KANK1: variants seen among roughly 807,000 people sequenced by gnomAD.
The protein encoded by KANK1 is KN motif and ankyrin repeat domain-containing protein 1.
Under a neutral mutation model 106.2 loss-of-function variants are expected in KANK1, and 109 were observed. The ratio of observed to expected loss-of-function variants is 1.03; its 90% CI spans 0.88 to 1.20. The LOEUF (loss-of-function observed/expected upper bound fraction) is 1.20. Ranked by LOEUF, KANK1 falls within the 50% of genes most tolerant of loss-of-function variation. KANK1 has a pLI of 0.00. For missense variants in KANK1, 2,399 were observed against 1,710.7 expected, an observed-to-expected ratio of 1.40 and a Z score of -7.10; for synonymous variants, 873 against 652.2, an observed-to-expected ratio of 1.34 and a Z score of -5.16.
intron 1 of KANK1, among the ~76,000 whole-genome samples, chr9:570,919 T>C (rs1198083630): frequency 6.6e-6 from 1 of 152,250 alleles, no homozygotes; most frequent in South Asian, 2.1e-4. Flanking sequence ...ATATTTGTGC[T>C]GAAATCTGTG....
intron 1 of KANK1, among the ~76,000 whole-genome samples, chr9:534,680 A>G (rs913074393): frequency 2.0e-5 from 3 of 152,228 alleles, no homozygotes; most frequent in Non-Finnish European, 4.4e-5. Flanking sequence ...ACTGTGATTT[A>G]TAGTCAAGGG....
chr9:527,417 T>A (rs531302764), intron 1 of KANK1, among the ~76,000 whole-genome samples: 3 of 59,676 alleles, frequency 5.0e-5, no homozygotes, highest in Admixed American at 1.7e-4. Flanking sequence ...TTCTCCTTCC[T>A]CAGCCCCTCA....
intron 1 of KANK1, among the ~76,000 whole-genome samples, chr9:637,598 G>A (rs561429815): frequency 9.8e-5 from 15 of 152,310 alleles, no homozygotes; most frequent in Non-Finnish European, 1.8e-4. Context: ...GTTCCCAGAT[G>A]ATGCTAATGC....
intron 1 of KANK1, among the ~76,000 whole-genome samples, chr9:586,608 TATG>T (rs1239585038): frequency 6.6e-6 from 1 of 152,072 alleles, no homozygotes; most frequent in East Asian, 1.9e-4. Flanking sequence ...ATGTGTGTGT[TATG>T]GAGTGGTCTG....
At chr9:723,368 A>C (rs1005546488) in intron 3 of KANK1, among the ~76,000 whole-genome samples, 1 of 152,172 alleles carries the variant, frequency 6.6e-6, no homozygotes. Flanking sequence ...GGAAAGGCTT[A>C]CCAGGTTGTT....
At chr9:645,017 T>G (rs1323615345) in intron 1 of KANK1, among the ~76,000 whole-genome samples, 1 of 145,862 alleles carries the variant, frequency 6.9e-6, no homozygotes, top group South Asian at 2.1e-4. Flanking sequence ...CCAGCTACTC[T>G]GGAGGCTCAG....
intron 1 of KANK1, among the ~76,000 whole-genome samples, chr9:625,135 C>G (rs1041425922): frequency 5.3e-5 from 8 of 152,184 alleles, no homozygotes; most frequent in Admixed American, 1.3e-4. Context: ...CCGCAGATCT[C>G]TTATTTGGCA....
In KANK1 at chr9:611,412, A is replaced by G. The variant is rs376818099; in HGVS notation, c.-83-65478A>G. On this transcript the variant is annotated intron_variant, in intron 1 of 11. Coordinates refer to ENST00000382297, the MANE Select transcript of KANK1 (RefSeq NM_015158.5). ...GACATAGAAAAAAGTACAGGACTCA[A>G]GTAATGATTGAACTTGGAATAAAAA... Among the ~76,000 whole-genome samples, 7 of 152,298 alleles carry G rather than the reference A, an allele frequency of 4.6e-5. No homozygotes were observed. In the South Asian group the frequency reaches 1.0e-3, roughly 23 times the overall value.
intron 1 of KANK1, among the ~76,000 whole-genome samples, chr9:567,987 ATTG>A (rs1030489341): frequency 2.0e-5 from 3 of 149,750 alleles, no homozygotes; most frequent in African/African-American, 7.6e-5. Context: ...AACGCTTGGC[ATTG>A]TTGGTTTTTT....
At chr9:603,726 C>T (rs1004546492) in intron 1 of KANK1, among the ~76,000 whole-genome samples, 1 of 151,556 alleles carries the variant, frequency 6.6e-6, no homozygotes, top group Non-Finnish European at 1.5e-5. Context: ...GAGGTCGAGG[C>T]GGGCGGATCA....
upstream of KANK1, among the ~76,000 whole-genome samples, chr9:499,770 C>T (rs551812375): frequency 7.2e-5 from 11 of 152,206 alleles, no homozygotes; most frequent in Non-Finnish European, 1.3e-4. Flanking sequence ...GAAATGCATA[C>T]GAATTTGTTT....
chr9:629,840 G>A (rs1835244093), intron 1 of KANK1, among the ~76,000 whole-genome samples: 1 of 152,348 alleles, frequency 6.6e-6, no homozygotes, highest in Admixed American at 6.5e-5. Context: ...ATTTTAAACA[G>A]CAGGCAATGA....
chr9:510,357 T>G (rs2058976595), intron 1 of KANK1, among the ~76,000 whole-genome samples: 1 of 152,220 alleles, frequency 6.6e-6, no homozygotes, highest in Admixed American at 6.5e-5. Context: ...AGTAGTTGAT[T>G]GTCCAGAAAT....
intron 1 of KANK1, among the ~76,000 whole-genome samples, chr9:542,729 G>C (rs9408624): frequency 0.06 from 9,115 of 152,244 alleles, 307 homozygotes; most frequent in South Asian, 0.084. Flanking sequence ...CCTTACAAAA[G>C]AAGAAATCCT....
intron 2 of KANK1, among the ~76,000 whole-genome samples, chr9:698,893 C>T (rs1380840918): frequency 1.3e-5 from 2 of 152,146 alleles, no homozygotes; most frequent in African/African-American, 4.8e-5. Context: ...TCATTTCACT[C>T]CCTTGTTTAA....
At chr9:742,439 G>A (rs754410475) in intron 10 of KANK1, 34 bp downstream of exon 10, 2 of 1,559,018 alleles carry the variant, frequency 1.3e-6, no homozygotes, top group Non-Finnish European at 1.8e-6. Flanking sequence ...CTGGCCAGGG[G>A]TCTGGGGGAC....
At chr9:659,142 CTGTGCCTAT>C (rs1842773891) in intron 1 of KANK1, among the ~76,000 whole-genome samples, 1 of 152,220 alleles carries the variant, frequency 6.6e-6, no homozygotes, top group South Asian at 2.1e-4. Context: ...GTGCCCAGCA[CTGTGCCTAT>C]TACATGCTGA....
At chr9:690,445 T>C (rs759791240) in intron 2 of KANK1, among the ~76,000 whole-genome samples, 31 of 152,150 alleles carry the variant, frequency 2.0e-4, no homozygotes, top group Admixed American at 9.2e-4. Flanking sequence ...GACATAAGCT[T>C]CATCTGTAAA....
intron 1 of KANK1, among the ~76,000 whole-genome samples, chr9:561,056 G>A (rs1816288447): frequency 6.6e-6 from 1 of 152,134 alleles, no homozygotes; most frequent in Non-Finnish European, 1.5e-5. Context: ...CCGAGGGCTT[G>A]TTTTCAAACA....
Sources: allele counts gnomAD v4.1 joint callset (sites outside exome capture counted in the v4.1 genomes callset), GRCh38; gene constraint gnomAD v4.1.1; transcripts MANE v1.5; gene names NCBI Gene and HGNC (gene_info 2026-07-23, HGNC 2026-07-21).